The following GNAL variants were observed in gnomAD, a reference collection of about 807,000 sequenced individuals.
The protein encoded by GNAL is guanine nucleotide-binding protein G(olf) subunit alpha.
In GNAL, 18 loss-of-function variants were observed where a neutral mutation model predicts 55.1. That is an observed-to-expected ratio of 0.33 (90% CI 0.23 to 0.48). GNAL has a LOEUF of 0.48. GNAL is among the 20% of genes least tolerant of loss of function. The probability of loss-of-function intolerance (pLI) is 0.99; values close to 1 mark genes in which losing one functional copy is unlikely to be tolerated. For synonymous variants in GNAL, 253 were observed against 237.0 expected, an observed-to-expected ratio of 1.07 and a Z score of -0.62; for missense variants, 412 against 614.1, an observed-to-expected ratio of 0.67 and a Z score of 3.48.
At position 11,884,282 on chromosome 18, in the gene GNAL, C is replaced by A; in HGVS notation, c.*3147C>A. The A allele has an allele frequency of 3.0e-6, 2 of 672,884 alleles. No homozygotes were observed. The highest frequency in any genetic ancestry group is 5.1e-6 in the Non-Finnish European group (2 of 390,678). 41.7% of individuals were successfully genotyped at this position (672,884 alleles called of 1,614,324 possible). On this transcript the variant is annotated 3_prime_UTR_variant, in exon 12 of 12. Transcript: ENST00000334049. ...CCACTTTTATAGCATGAGAACAGTA[C>A]AATCAACTATTTATTTTGCAGTTAC...
chr18:11,849,501 C>CAAAAAAAAAAAAAA (rs71172025), intron 5 of GNAL, among the ~76,000 whole-genome samples: 1 of 130,480 alleles, frequency 7.7e-6, no homozygotes, highest in African/African-American at 3.2e-5. Flanking sequence ...GATTTCATCT[C>CAAAAAAAAAAAAAA]AAAAAAAAAA....
intron 5 of GNAL, among the ~76,000 whole-genome samples, chr18:11,862,159 G>GAGAGA: frequency 6.6e-6 from 1 of 152,054 alleles, no homozygotes; most frequent in African/African-American, 2.4e-5. Context: ...GAAGAGAGGG[G>GAGAGA]AGAGAAGGCA....
intron 4 of GNAL, among the ~76,000 whole-genome samples, chr18:11,817,744 A>AC: frequency 6.6e-6 from 1 of 151,274 alleles, no homozygotes; most frequent in Non-Finnish European, 1.5e-5. Flanking sequence ...GCGTGCCACA[A>AC]CACCGGGCTA....
rs551112321 is a variant in GNAL, at chr18:11,779,675, C to T, written c.624+25730C>T. The stretch of plus-strand genomic sequence containing the variant: ...GAAAGATGGGAGTTATTGGCTCATG[C>T]ACTCATTCAAGTAGAATTTCCTGAA... On this transcript the variant is annotated intron_variant, in intron 4 of 11. Coordinates refer to ENST00000334049, the MANE Select transcript of GNAL (RefSeq NM_182978.4). Among the ~76,000 whole-genome samples, 26 of 152,230 alleles carry T rather than the reference C, an allele frequency of 1.7e-4. No homozygotes were observed. The South Asian group carries it at 5.4e-3, about 32-fold the overall frequency.
intron 4 of GNAL, among the ~76,000 whole-genome samples, chr18:11,758,721 C>T (rs532783437): frequency 5.3e-5 from 8 of 152,278 alleles, no homozygotes; most frequent in African/African-American, 1.9e-4. Context: ...TTCAGGTTAT[C>T]TTTGTTCAAG....
chr18:11,869,212 C>G (rs1039763987), intron 9 of GNAL, among the ~76,000 whole-genome samples: 1 of 151,922 alleles, frequency 6.6e-6, no homozygotes, highest in Non-Finnish European at 1.5e-5. Context: ...GGCGCCATCT[C>G]GGCCCACTGC....
At chr18:11,708,692 C>T (rs2031769495) in intron 1 of GNAL, among the ~76,000 whole-genome samples, 1 of 152,148 alleles carries the variant, frequency 6.6e-6, no homozygotes, top group South Asian at 2.1e-4. Context: ...AGGTGAAACA[C>T]AATAAAACAA....
At chr18:11,760,796 G>A (rs2033215020) in intron 4 of GNAL, among the ~76,000 whole-genome samples, 1 of 152,184 alleles carries the variant, frequency 6.6e-6, no homozygotes, top group Admixed American at 6.5e-5. Context: ...GGTCTTAAGG[G>A]GAGGTGTGGG....
intron 11 of GNAL, 114 bp from the exon 12 acceptor site, chr18:11,880,875 A>G: frequency 8.9e-7 from 1 of 1,124,488 alleles, no homozygotes; most frequent in Non-Finnish European, 1.3e-6. Context: ...CTCCCATGCA[A>G]AACAAGCAGG....
chr18:11,856,177 A>C (rs979205016), intron 5 of GNAL, among the ~76,000 whole-genome samples: 1 of 151,532 alleles, frequency 6.6e-6, no homozygotes, highest in Non-Finnish European at 1.5e-5. Flanking sequence ...GCCAGTGGAC[A>C]CTAAGGAAAC....
chr18:11,872,884 C>T (rs1778631171), intron 10 of GNAL, among the ~76,000 whole-genome samples: 1 of 152,218 alleles, frequency 6.6e-6, no homozygotes, highest in Non-Finnish European at 1.5e-5. Context: ...ACCCTTTGTC[C>T]CCAAGCCCAT....
rs1406858342 is a variant in GNAL, at chr18:11,691,069, C to T, written c.376+1130C>T. 3.6e-3 allele frequency among the ~76,000 whole-genome samples: 547 copies of T among 150,016 alleles called. 6 individuals are homozygous for T. Among genetic ancestry groups the T allele is most frequent in the African/African-American group, 0.013 (498 of 39,612 alleles). On this transcript the variant is annotated intron_variant, in intron 1 of 11. Coordinates refer to ENST00000334049, the MANE Select transcript of GNAL (RefSeq NM_182978.4). ...CACAATGATTGAACTAGTTTACAGTCCCACCAACAGTGTAAAAGTGTTCCT... is the reference window on the plus strand; with the variant it reads ...CACAATGATTGAACTAGTTTACAGTTCCACCAACAGTGTAAAAGTGTTCCT...
chr18:11,822,160 T>C (rs2035112602), intron 4 of GNAL, among the ~76,000 whole-genome samples: 1 of 152,132 alleles, frequency 6.6e-6, no homozygotes, highest in Non-Finnish European at 1.5e-5. Flanking sequence ...ACAGCCCGGC[T>C]TCGGGCCTAC....
At chr18:11,704,612 G>A (rs769712325) in intron 1 of GNAL, among the ~76,000 whole-genome samples, 9 of 152,114 alleles carry the variant, frequency 5.9e-5, no homozygotes, top group African/African-American at 1.9e-4. Flanking sequence ...ACCCAGCCAC[G>A]CAGCCTACTC....
At chr18:11,768,666 G>A (rs188410455) in intron 4 of GNAL, among the ~76,000 whole-genome samples, 2,410 of 149,206 alleles carry the variant, frequency 0.016, 28 homozygotes, top group Middle Eastern at 0.077. Context: ...AGGCCGAGGC[G>A]GGCGGATCAC....
In GNAL at chr18:11,689,641, G is replaced by T; in HGVS notation, c.78G>T (p.Pro26=). 7.2e-7 allele frequency: 1 copy of T among 1,388,096 alleles called. No homozygotes were observed. The highest frequency in any genetic ancestry group is 9.3e-7 in the Non-Finnish European group (1 of 1,079,120). The allele number at this position is 1,388,096 out of a possible 1,614,324, so 86.0% of individuals were successfully genotyped here. The change falls in exon 1 of 12, where the codon CCG becomes CCT. Residue 26 remains proline, a synonymous_variant. Transcript: ENST00000334049. Reference sequence around the variant, plus strand: ...ACCCCTGCGCGGCCTCGGAGCCGCCGGTGGAGGACGCGCAGCCCGCCCCGG... The same window carrying T: ...ACCCCTGCGCGGCCTCGGAGCCGCCTGTGGAGGACGCGCAGCCCGCCCCGG... ...GDDPCAASEP[P]VEDAQPAPAP...
At chr18:11,771,890 T>G (rs1343100877) in intron 4 of GNAL, among the ~76,000 whole-genome samples, 3 of 151,740 alleles carry the variant, frequency 2.0e-5, no homozygotes, top group Admixed American at 2.0e-4. Flanking sequence ...AATTTTTTTG[T>G]TTTTTTTAGT....
At chr18:11,873,123 T>C (rs1415598701) in intron 10 of GNAL, among the ~76,000 whole-genome samples, 1 of 152,238 alleles carries the variant, frequency 6.6e-6, no homozygotes, top group Non-Finnish European at 1.5e-5. Context: ...TACCAGAGGC[T>C]CATAGGAGTG....
In GNAL at chr18:11,872,349, A is replaced by T. The variant is rs1469635220; in HGVS notation, c.1113A>T (p.Lys371Asn). 6.4e-7 allele frequency: 1 copy of T among 1,569,074 alleles called. No individual in the cohort carries two copies. The highest frequency in any genetic ancestry group is 1.4e-5 in the African/African-American group (1 of 72,118). The stretch of plus-strand genomic sequence containing the variant: ...AAAAAGTCTTGGCAGGGAAATCAAA[A>T]ATTGAAGACTATTTCCCAGAATATG... ...LAEKVLAGKS[K>N]IEDYFPEYAN... Residue 371 changes from lysine (K) to asparagine (N), a missense_variant, in exon 10 of 12, where the codon AAA (lysine) becomes AAT (asparagine). Physicochemically the swap from Lys to Asn is moderately conservative, Grantham distance 94 (BLOSUM62 0). Around this residue, in one of 5 missense-constraint regions of GNAL, gnomAD observed 79 missense variants for 127.1 expected, o/e 0.62. Coordinates refer to ENST00000334049, the MANE Select transcript of GNAL (RefSeq NM_182978.4).
Sources: allele counts gnomAD v4.1 joint callset (sites outside exome capture counted in the v4.1 genomes callset), GRCh38; gene constraint gnomAD v4.1.1; regional missense constraint gnomAD v4.1.1; transcripts MANE v1.5; gene names NCBI Gene and HGNC (gene_info 2026-07-23, HGNC 2026-07-21).